The following EPHB2 variants were observed in gnomAD, a reference collection of about 807,000 sequenced individuals.
EPHB2 encodes the protein ephrin type-B receptor 2.
In EPHB2, 18 loss-of-function variants were observed where a neutral mutation model predicts 96.4. The observed-to-expected ratio is 0.19, with a 90% CI of 0.13 to 0.28. The LOEUF (loss-of-function observed/expected upper bound fraction) is 0.28. EPHB2 is among the 10% of genes least tolerant of loss of function. EPHB2 has a pLI of 1.00. For missense variants in EPHB2, 989 were observed against 1,355.4 expected, an observed-to-expected ratio of 0.73 and a Z score of 4.25; for synonymous variants, 506 against 534.1, an observed-to-expected ratio of 0.95 and a Z score of 0.72.
intron 3 of EPHB2, among the ~76,000 whole-genome samples, chr1:22,843,732 G>C (rs1645501846): frequency 6.6e-6 from 1 of 152,158 alleles, no homozygotes. Context: ...ATAGAGACAG[G>C]GTTTTACCAT....
intron 3 of EPHB2, among the ~76,000 whole-genome samples, chr1:22,792,046 CAGA>C (rs1273423175): frequency 3.3e-5 from 5 of 152,174 alleles, no homozygotes; most frequent in Non-Finnish European, 5.9e-5. Flanking sequence ...TGTTTCACTC[CAGA>C]ATCCTGTGCT....
At chr1:22,825,301 C>T (rs1319892337) in intron 3 of EPHB2, among the ~76,000 whole-genome samples, 1 of 152,238 alleles carries the variant, frequency 6.6e-6, no homozygotes, top group Non-Finnish European at 1.5e-5. Context: ...TAGATGCTGG[C>T]ATCCCGCTTT....
chr1:22,723,195 C>T (rs1013424790), intron 1 of EPHB2, among the ~76,000 whole-genome samples: 3 of 152,214 alleles, frequency 2.0e-5, no homozygotes, highest in Non-Finnish European at 4.4e-5. Flanking sequence ...GGGGAGAAAG[C>T]GGCTTAGCGC....
rs201892962 is a variant in EPHB2 at position 22,908,076 on chromosome 1, G to A, written c.2260G>A (p.Val754Ile). 210 of 1,614,214 alleles carry A rather than the reference G, an allele frequency of 1.3e-4. No individual in the cohort carries two copies. The highest frequency in any genetic ancestry group is 1.8e-4 in the East Asian group (8 of 44,884). The change falls in exon 12 of 16, where the codon GTC (valine) becomes ATC (isoleucine). Residue 754 changes from valine (V) to isoleucine (I), a missense_variant. By Grantham distance (29) the Val-to-Ile change is conservative. Coordinates refer to ENST00000374630, the MANE Select transcript of EPHB2 (RefSeq NM_017449.5). ...HRDLAARNIL[V>I]NSNLVCKVSD... Reference sequence around the variant, plus strand: ...TGACCTGGCTGCCCGCAACATCCTCGTCAACAGCAACCTGGTCTGCAAGGT... The same window carrying A: ...TGACCTGGCTGCCCGCAACATCCTCATCAACAGCAACCTGGTCTGCAAGGT...
At chr1:22,808,683 C>G (rs12141642) in intron 3 of EPHB2, among the ~76,000 whole-genome samples, 1 of 152,238 alleles carries the variant, frequency 6.6e-6, no homozygotes, top group Non-Finnish European at 1.5e-5. Flanking sequence ...AGGCACAGTT[C>G]TAAGCTCTTA....
At chr1:22,769,195 A>G (rs1473408559) in intron 1 of EPHB2, among the ~76,000 whole-genome samples, 1 of 152,176 alleles carries the variant, frequency 6.6e-6, no homozygotes, top group African/African-American at 2.4e-5. Flanking sequence ...GAAGCAGGCT[A>G]TCTGAATGCA....
chr1:22,882,113 AG>A (rs1397328874), intron 5 of EPHB2, among the ~76,000 whole-genome samples: 1 of 152,122 alleles, frequency 6.6e-6, no homozygotes, highest in East Asian at 1.9e-4. Context: ...GAGCTTCCCC[AG>A]GGCTGGTGAA....
intron 3 of EPHB2, among the ~76,000 whole-genome samples, chr1:22,820,943 G>A (rs570293914): frequency 6.6e-6 from 1 of 152,190 alleles, no homozygotes; most frequent in Non-Finnish European, 1.5e-5. Context: ...ATTTGCATCA[G>A]TTTGGATTAT....
At chr1:22,912,899 A>G (rs144110629) in intron 15 of EPHB2, 141 of 418,254 alleles carry the variant, frequency 3.4e-4, no homozygotes, top group Admixed American at 1.2e-3. Flanking sequence ...GGTGCTTAGA[A>G]AATGCAAGCT....
intron 6 of EPHB2, among the ~76,000 whole-genome samples, chr1:22,888,364 A>G (rs1639292560): frequency 6.6e-6 from 1 of 152,222 alleles, no homozygotes; most frequent in African/African-American, 2.4e-5. Context: ...TGATGATAAC[A>G]GTGATGGTGG....
intron 1 of EPHB2, among the ~76,000 whole-genome samples, chr1:22,761,609 A>C (rs1570232549): frequency 1.3e-5 from 2 of 152,180 alleles, no homozygotes; most frequent in African/African-American, 4.8e-5. Context: ...GAAAGTCTCA[A>C]AGTATAGCTG....
At chr1:22,758,573 G>C (rs2148391114) in intron 1 of EPHB2, among the ~76,000 whole-genome samples, 1 of 152,190 alleles carries the variant, frequency 6.6e-6, no homozygotes, top group East Asian at 1.9e-4. Context: ...TGCCACGCCT[G>C]AGCTGTGATC....
At position 22,744,930 on chromosome 1, in the gene EPHB2, T is replaced by G. The variant is rs1199013941; in HGVS notation, c.61+33887T>G. ...TCACTATTCATTCAGTGGAAGTAGA[T>G]TGTCATAAAGGTCATCCTCCTCGTC... On this transcript the variant is annotated intron_variant, in intron 1 of 15. Transcript: ENST00000374630. 2.6e-5 allele frequency among the ~76,000 whole-genome samples: 4 copies of G among 152,124 alleles called. No homozygotes were observed. In the South Asian group the frequency reaches 6.3e-4, roughly 24 times the overall value.
intron 1 of EPHB2, among the ~76,000 whole-genome samples, chr1:22,765,931 C>T (rs936386759): frequency 6.6e-6 from 1 of 152,146 alleles, no homozygotes; most frequent in African/African-American, 2.4e-5. Context: ...GGGCCTCCTG[C>T]AGGAGCATGT....
At chr1:22,769,130 C>G (rs1570244732) in intron 1 of EPHB2, among the ~76,000 whole-genome samples, 1 of 152,154 alleles carries the variant, frequency 6.6e-6, no homozygotes, top group Non-Finnish European at 1.5e-5. Flanking sequence ...CCAGCCATGT[C>G]CATATCCATA....
chr1:22,769,182 C>T (rs1322112033), intron 1 of EPHB2, among the ~76,000 whole-genome samples: 3 of 152,184 alleles, frequency 2.0e-5, no homozygotes, highest in Middle Eastern at 3.4e-3. Context: ...ATGGGGTCCT[C>T]GTGAAGCAGG....
intron 3 of EPHB2, among the ~76,000 whole-genome samples, chr1:22,855,221 G>A (rs1369502970): frequency 6.6e-6 from 1 of 152,180 alleles, no homozygotes; most frequent in African/African-American, 2.4e-5. Flanking sequence ...CAGAGCAAAT[G>A]GCAGTGAAGC....
chr1:22,890,837 G>A (rs1639366693), intron 6 of EPHB2, among the ~76,000 whole-genome samples: 1 of 152,176 alleles, frequency 6.6e-6, no homozygotes, highest in African/African-American at 2.4e-5. Flanking sequence ...CTGCCACCAT[G>A]TGAAGAAGTA....
Position 22,872,054 on chromosome 1 carries a change from C to T in EPHB2, c.1303+6842C>T, listed in dbSNP as rs562367005. On this transcript the variant is annotated intron_variant, in intron 5 of 15. Coordinates refer to ENST00000374630, the MANE Select transcript of EPHB2 (RefSeq NM_017449.5). ...AAAATCTAGCATGGATCTCATCAAG[C>T]TAAAAGCAGTGTTGGCAGGATGTGT... Among the ~76,000 whole-genome samples the T allele has an allele frequency of 2.0e-5, 3 of 152,016 alleles. No homozygotes were observed. In the East Asian group the frequency reaches 5.8e-4, roughly 29 times the overall value.
Sources: allele counts gnomAD v4.1 joint callset (sites outside exome capture counted in the v4.1 genomes callset), GRCh38; gene constraint gnomAD v4.1.1; transcripts MANE v1.5; gene names NCBI Gene and HGNC (gene_info 2026-07-23, HGNC 2026-07-21).